The following KLHL5 variants were observed in gnomAD, a reference collection of about 807,000 sequenced individuals.
KLHL5 encodes kelch like family member 5.
KLHL5 carries 48 observed loss-of-function variants against 77.7 expected under a neutral mutation model. That is an observed-to-expected ratio of 0.62 (90% CI 0.49 to 0.79). KLHL5 has a LOEUF of 0.79. Among genes scored for constraint, KLHL5 ranks in the 30% least tolerant of loss-of-function variants. KLHL5 has a pLI of 0.00. For missense variants in KLHL5, 723 were observed against 859.7 expected (o/e 0.84, Z 1.99); for synonymous variants, 260 against 297.0 (o/e 0.88, Z 1.28).
intron 8 of KLHL5, among the ~76,000 whole-genome samples, chr4:39,109,043 C>G (rs923003506): frequency 6.6e-6 from 1 of 152,036 alleles, no homozygotes; most frequent in South Asian, 2.1e-4. Context: ...CAGAGACAAC[C>G]TAATTAATCA....
intron 8 of KLHL5, among the ~76,000 whole-genome samples, chr4:39,112,217 T>C (rs1239623507): frequency 2.6e-5 from 4 of 152,206 alleles, no homozygotes; most frequent in Middle Eastern, 3.2e-3. Context: ...TAGTGCAGTG[T>C]ATTGATTGAT....
chr4:39,090,584 G>A (rs1050531038), intron 5 of KLHL5, among the ~76,000 whole-genome samples: 4 of 151,566 alleles, frequency 2.6e-5, no homozygotes, highest in Non-Finnish European at 5.9e-5. Context: ...GAGTAGCTGG[G>A]ATTAACAGGC....
chr4:39,114,708 A>T (rs768712642), intron 9 of KLHL5, among the ~76,000 whole-genome samples: 58 of 152,330 alleles, frequency 3.8e-4, no homozygotes, highest in Non-Finnish European at 7.8e-4. Flanking sequence ...TCATTGATAC[A>T]ACAGATTTTA....
At chr4:39,079,357 G>A (rs574754855) in intron 2 of KLHL5, among the ~76,000 whole-genome samples, 14 of 152,208 alleles carry the variant, frequency 9.2e-5, no homozygotes, top group African/African-American at 2.6e-4. Context: ...ATGCAATGGC[G>A]TACACGATCC....
chr4:39,076,547 A>G (rs773364215), intron 2 of KLHL5, among the ~76,000 whole-genome samples: 21 of 152,116 alleles, frequency 1.4e-4, no homozygotes, highest in Non-Finnish European at 2.6e-4. Flanking sequence ...TAAAATAGCC[A>G]TATCTATCCC....
chr4:39,086,985 A>G (rs776757318), intron 5 of KLHL5, among the ~76,000 whole-genome samples: 1 of 131,532 alleles, frequency 7.6e-6, no homozygotes, highest in Non-Finnish European at 1.5e-5. Flanking sequence ...ATCTCAGGTC[A>G]CTGCAACCTC....
At position 39,107,555 on chromosome 4, in the gene KLHL5, C is replaced by A; in HGVS notation, c.1526-14C>A. 1 of 1,571,314 alleles carries A rather than the reference C, an allele frequency of 6.4e-7. No individual in the cohort carries two copies. The highest frequency in any genetic ancestry group is 8.7e-7 in the Non-Finnish European group (1 of 1,153,906). ...CCAATCTGAAGTCGTTAATTGTTTC[C>A]TGTCTCCTCATAGGTGTGGCTGTAC... On this transcript the variant is annotated splice_polypyrimidine_tract_variant and intron_variant, in intron 7 of 10. Coordinates refer to ENST00000504108, the MANE Select transcript of KLHL5 (RefSeq NM_015990.5).
chr4:39,118,832 A>G (rs1175951472), intron 10 of KLHL5, among the ~76,000 whole-genome samples: 1 of 152,166 alleles, frequency 6.6e-6, no homozygotes, highest in African/African-American at 2.4e-5. Context: ...AAAGATGAGA[A>G]TTTGAGTGTA....
At chr4:39,046,841 G>C (rs1577614134) in intron 1 of KLHL5, among the ~76,000 whole-genome samples, 2 of 152,104 alleles carry the variant, frequency 1.3e-5, no homozygotes, top group South Asian at 4.1e-4. Context: ...GTTTTCTGAA[G>C]GAGTGGAGTC....
At chr4:39,115,534 T>A in intron 10 of KLHL5, 1 of 1,467,262 alleles carries the variant, frequency 6.8e-7, no homozygotes, top group Non-Finnish European at 8.9e-7. Flanking sequence ...AGATGTAAGT[T>A]AATACTCAGA....
At chr4:39,048,846 G>T (rs1022313529) in intron 1 of KLHL5, among the ~76,000 whole-genome samples, 1 of 151,898 alleles carries the variant, frequency 6.6e-6, no homozygotes, top group Non-Finnish European at 1.5e-5. Context: ...GTTTCATCAT[G>T]TTGACCAGCC....
At chr4:39,136,430 G>A in the KLHL5 span, among the ~76,000 whole-genome samples, 8 of 152,190 alleles carry the variant, frequency 5.3e-5, no homozygotes, top group South Asian at 2.1e-4. Flanking sequence ...AAAGTGCTGC[G>A]ATTATAGGCG....
intron 1 of KLHL5, among the ~76,000 whole-genome samples, chr4:39,070,047 A>C (rs755117351): frequency 1.3e-5 from 2 of 152,194 alleles, no homozygotes; most frequent in African/African-American, 2.4e-5. Flanking sequence ...ACTTTTTGTC[A>C]GCTTAGCAAG....
upstream of KLHL5, among the ~76,000 whole-genome samples, chr4:39,058,625 T>C (rs983394576): frequency 5.3e-5 from 8 of 152,072 alleles, no homozygotes; most frequent in Middle Eastern, 3.2e-3. Context: ...TCAAAAAATA[T>C]ATATATATTT....
At chr4:39,129,181 T>C (rs1338687248), downstream of KLHL5, among the ~76,000 whole-genome samples, 5 of 134,078 alleles carry the variant, frequency 3.7e-5, no homozygotes, top group Admixed American at 3.4e-4. This position sits in a 1 kb window ranked among gnomAD's most constrained non-coding sequence, Gnocchi z 4.2. Flanking sequence ...AAAAAACAAT[T>C]ACAACTTTTT....
At chr4:39,061,522 A>C (rs1577641776), upstream of KLHL5, among the ~76,000 whole-genome samples, 1 of 152,224 alleles carries the variant, frequency 6.6e-6, no homozygotes, top group East Asian at 1.9e-4. Context: ...TGTCCCTGAC[A>C]ATGCCTAGTA....
chr4:39,117,278 A>G (rs10033015), intron 10 of KLHL5, among the ~76,000 whole-genome samples: 80,106 of 151,838 alleles, frequency 0.53, 21,694 homozygotes, highest in Non-Finnish European at 0.59. Flanking sequence ...CAGCCTGGAC[A>G]ACAGAGCAAG....
intron 1 of KLHL5, among the ~76,000 whole-genome samples, chr4:39,048,415 TG>T (rs1260698493): frequency 3.3e-5 from 5 of 152,318 alleles, no homozygotes; most frequent in African/African-American, 1.2e-4. Context: ...AGGGGTTTGC[TG>T]AGTATACCAG....
chr4:39,064,316 AATAGAAGCCACTAATTTAATT>A (rs1717696045), intron 1 of KLHL5, among the ~76,000 whole-genome samples: 1 of 152,108 alleles, frequency 6.6e-6, no homozygotes, highest in African/African-American at 2.4e-5. Context: ...ATCTTAAGGG[AATAGAAGCCACTAATTTAATT>A]TGGAGATCAA....
Sources: gnomAD v4.1 joint callset for allele counts (sites outside exome capture counted in the v4.1 genomes callset) on GRCh38, gnomAD v4.1.1 for gene constraint, Gnocchi (gnomAD v3.1) non-coding constraint, MANE v1.5 for transcripts, NCBI Gene and HGNC (gene_info 2026-07-23, HGNC 2026-07-21) for gene names.